MALRD1: variants seen among roughly 807,000 people sequenced by gnomAD.
The protein encoded by MALRD1 is MAM and LDL-receptor class A domain-containing protein 1.
MALRD1 carries 247 observed loss-of-function variants against 242.1 expected under a neutral mutation model. The ratio of observed to expected loss-of-function variants is 1.02; its 90% CI spans 0.92 to 1.13. The LOEUF is 1.13. Ranked by LOEUF, MALRD1 falls within the 50% of genes most tolerant of loss-of-function variation. The pLI is 0.00. For synonymous variants in MALRD1, 995 were observed against 866.6 expected, an observed-to-expected ratio of 1.15 and a Z score of -2.60; for missense variants, 2,989 against 2,533.1, an observed-to-expected ratio of 1.18 and a Z score of -3.86.
At chr10:19,151,519 C>A (rs1833942577) in intron 11 of MALRD1, among the ~76,000 whole-genome samples, 1 of 151,938 alleles carries the variant, frequency 6.6e-6, no homozygotes, top group African/African-American at 2.4e-5. Context: ...ACAGTTCTAT[C>A]TTCCTTTTGT....
At chr10:19,239,092 T>C (rs1405884230) in intron 18 of MALRD1, among the ~76,000 whole-genome samples, 1 of 151,292 alleles carries the variant, frequency 6.6e-6, no homozygotes, top group Non-Finnish European at 1.5e-5. Context: ...GGAGTCTTGC[T>C]CTGTTGCCCA....
intron 29 of MALRD1, among the ~76,000 whole-genome samples, chr10:19,471,725 A>G (rs1836508379): frequency 1.7e-5 from 2 of 120,292 alleles, no homozygotes; most frequent in Non-Finnish European, 3.7e-5. Context: ...CATATAGTTT[A>G]TTTTTATCAT....
At chr10:19,723,010 A>G (rs1418003872) in intron 38 of MALRD1, among the ~76,000 whole-genome samples, 1 of 152,134 alleles carries the variant, frequency 6.6e-6, no homozygotes, top group Non-Finnish European at 1.5e-5. Flanking sequence ...AAGTAAGAAA[A>G]ATGATAAGTA....
intron 28 of MALRD1, among the ~76,000 whole-genome samples, chr10:19,404,294 T>G (rs1334956683): frequency 1.3e-5 from 2 of 152,048 alleles, no homozygotes; most frequent in Non-Finnish European, 2.9e-5. Context: ...ATAAACATCA[T>G]TAGGAAAAAA....
At chr10:19,129,345 G>A (rs918105117) in intron 8 of MALRD1, among the ~76,000 whole-genome samples, 1 of 152,088 alleles carries the variant, frequency 6.6e-6, no homozygotes, top group South Asian at 2.1e-4. Flanking sequence ...TAAAAATGTA[G>A]TTGAACAACC....
At chr10:19,601,135 G>A (rs1466828013) in intron 34 of MALRD1, among the ~76,000 whole-genome samples, 1 of 152,010 alleles carries the variant, frequency 6.6e-6, no homozygotes, top group Non-Finnish European at 1.5e-5. Flanking sequence ...TGCCGCCTTG[G>A]TCTCTCAAAG....
At chr10:19,552,619 A>G (rs980994350) in intron 32 of MALRD1, among the ~76,000 whole-genome samples, 10 of 151,996 alleles carry the variant, frequency 6.6e-5, no homozygotes, top group Non-Finnish European at 1.2e-4. Flanking sequence ...ATCTCTCACA[A>G]CAGTACGTGA....
intron 31 of MALRD1, among the ~76,000 whole-genome samples, chr10:19,502,166 G>C (rs1037348522): frequency 6.6e-6 from 1 of 152,024 alleles, no homozygotes; most frequent in Non-Finnish European, 1.5e-5. Context: ...CACTTGAAAG[G>C]TCTGAACTGT....
chr10:19,679,850 T>A (rs773738965), intron 36 of MALRD1, among the ~76,000 whole-genome samples: 5 of 152,194 alleles, frequency 3.3e-5, no homozygotes, highest in Non-Finnish European at 5.9e-5. Flanking sequence ...TGGTACATTG[T>A]CCCTTTGTTC....
intron 31 of MALRD1, among the ~76,000 whole-genome samples, chr10:19,518,595 T>C (rs1833741098): frequency 6.6e-6 from 1 of 152,188 alleles, no homozygotes; most frequent in Non-Finnish European, 1.5e-5. Context: ...TACAAAATCA[T>C]CCAGATCTCT....
chr10:19,692,977 A>G (rs1253268177), intron 38 of MALRD1, among the ~76,000 whole-genome samples: 1 of 151,418 alleles, frequency 6.6e-6, no homozygotes, highest in Non-Finnish European at 1.5e-5. Context: ...CAAAAACCAC[A>G]TGATTATCTC....
chr10:19,233,079 G>A (rs1236932942), intron 18 of MALRD1, among the ~76,000 whole-genome samples: 1 of 152,090 alleles, frequency 6.6e-6, no homozygotes, highest in African/African-American at 2.4e-5. Context: ...TAAAATTTTT[G>A]TGGGTACATA....
chr10:19,117,845 C>T lies in MALRD1; in HGVS notation c.695-5647C>T, dbSNP rs545857120. Among the ~76,000 whole-genome samples the T allele has an allele frequency of 9.1e-4, 139 of 152,262 alleles. 1 individual carries two copies. The highest frequency in any genetic ancestry group is 5.2e-3 in the South Asian group (25 of 4,828). ...GAGTCTACAATGTTTTAAAATTTTTCATCAGGTTGTTCTTAGGCCATTTAT... is the reference window on the plus strand; with the variant it reads ...GAGTCTACAATGTTTTAAAATTTTTTATCAGGTTGTTCTTAGGCCATTTAT... On this transcript the variant is annotated intron_variant, in intron 5 of 39. Transcript: ENST00000454679.
chr10:19,265,039 A>T (rs1040875185), intron 19 of MALRD1, among the ~76,000 whole-genome samples: 4 of 152,010 alleles, frequency 2.6e-5, no homozygotes, highest in Non-Finnish European at 5.9e-5. Flanking sequence ...TTGGAGTATA[A>T]TTGTTCATAG....
In MALRD1 at chr10:19,308,478, A is replaced by G. The variant is rs929440878; in HGVS notation, c.3420-15471A>G. Among the ~76,000 whole-genome samples, 9 of 151,600 alleles carry G rather than the reference A, an allele frequency of 5.9e-5. No individual in the cohort carries two copies. The Admixed American group carries it at 5.9e-4, about 10-fold the overall frequency. ...ACTAGGGAAAGATTAGCAGAAGTGGACAGAGTGAGGAGGATAAACTTGGCC... is the reference window on the plus strand; with the variant it reads ...ACTAGGGAAAGATTAGCAGAAGTGGGCAGAGTGAGGAGGATAAACTTGGCC... On this transcript the variant is annotated intron_variant, in intron 21 of 39. Coordinates refer to ENST00000454679, the MANE Select transcript of MALRD1 (RefSeq NM_001142308.3).
intron 38 of MALRD1, among the ~76,000 whole-genome samples, chr10:19,729,721 C>CTTTTTTTTTATT: frequency 2.5e-5 from 1 of 40,642 alleles, no homozygotes; most frequent in Non-Finnish European, 4.2e-5. Flanking sequence ...TCTATTAATT[C>CTTTTTTTTTATT]TTTTTTTTTT....
chr10:19,263,806 T>C (rs980432771), intron 19 of MALRD1, among the ~76,000 whole-genome samples: 4 of 152,212 alleles, frequency 2.6e-5, no homozygotes, highest in Admixed American at 2.6e-4. Flanking sequence ...TCTGCTTTTA[T>C]GCAAGTACCA....
intron 18 of MALRD1, among the ~76,000 whole-genome samples, chr10:19,242,752 C>A (rs1564496695): frequency 6.6e-6 from 1 of 151,912 alleles, no homozygotes; most frequent in Non-Finnish European, 1.5e-5. Context: ...GCTACTCCTG[C>A]TTGCTTTTCA....
At chr10:19,229,304 T>C (rs1380092391) in intron 18 of MALRD1, among the ~76,000 whole-genome samples, 2 of 152,194 alleles carry the variant, frequency 1.3e-5, no homozygotes, top group South Asian at 2.1e-4. Context: ...TTTCCTGAAA[T>C]GTTTTGAGGA....
Sources: allele counts gnomAD v4.1 joint callset (sites outside exome capture counted in the v4.1 genomes callset), GRCh38; gene constraint gnomAD v4.1.1; transcripts MANE v1.5; gene names NCBI Gene and HGNC (gene_info 2026-07-23, HGNC 2026-07-21).